The following WWOX variants were observed in gnomAD, a reference collection of about 807,000 sequenced individuals.
WWOX encodes the protein WW domain-containing oxidoreductase.
A neutral mutation model predicts 46.2 loss-of-function variants in WWOX; 69 were observed. That is an observed-to-expected ratio of 1.49 (90% CI 1.23 to 1.82). The LOEUF (loss-of-function observed/expected upper bound fraction) is 1.82. Among genes scored for constraint, WWOX ranks in the 40% most tolerant of loss-of-function variants. WWOX has a pLI of 0.00. For synonymous variants in WWOX, 359 were observed against 202.6 expected, an observed-to-expected ratio of 1.77 and a Z score of -6.56; for missense variants, 919 against 542.6, an observed-to-expected ratio of 1.69 and a Z score of -6.89.
intron 8 of WWOX, among the ~76,000 whole-genome samples, chr16:78,902,564 G>C (rs1019140885): frequency 4.6e-5 from 7 of 152,238 alleles, no homozygotes; most frequent in African/African-American, 1.4e-4. Context: ...CTAGGCCAAA[G>C]ATATGCCCGA....
intron 8 of WWOX, among the ~76,000 whole-genome samples, chr16:79,031,768 A>AATATATAT (rs2047759921): frequency 6.9e-6 from 1 of 143,970 alleles, no homozygotes; most frequent in South Asian, 2.1e-4. Flanking sequence ...ATATATATAT[A>AATATATAT]ATATATAGAA....
intron 5 of WWOX, among the ~76,000 whole-genome samples, chr16:78,253,315 A>T (rs903456496): frequency 6.6e-6 from 1 of 152,230 alleles, no homozygotes; most frequent in Non-Finnish European, 1.5e-5. Context: ...AATTATAACC[A>T]TATCTAATAC....
intron 8 of WWOX, among the ~76,000 whole-genome samples, chr16:78,809,128 C>T (rs1489115374): frequency 2.0e-5 from 3 of 151,854 alleles, no homozygotes; most frequent in Admixed American, 6.6e-5. Context: ...TGTCTGTTCT[C>T]CCCCTGCACC....
At position 78,100,162 on chromosome 16, in the gene WWOX, C is replaced by T. The variant is rs953408228; in HGVS notation, c.107+277C>T. 7.7e-6 allele frequency: 10 copies of T among 1,295,508 alleles called. No individual in the cohort carries two copies. In the African/African-American group the frequency reaches 7.9e-5, roughly 10 times the overall value. 80.3% of individuals were successfully genotyped at this position (1,295,508 alleles called of 1,614,324 possible). On this transcript the variant is annotated intron_variant, in intron 1 of 8. Coordinates refer to ENST00000566780, the MANE Select transcript of WWOX (RefSeq NM_016373.4). ...CGGCGCGGCGAGGGCAAAGCGGCCT[C>T]ATCCCCGCCAAAAAATAAAGATGTT...
intron 8 of WWOX, among the ~76,000 whole-genome samples, chr16:78,623,245 G>C (rs999720087): frequency 3.3e-5 from 5 of 152,180 alleles, no homozygotes; most frequent in Admixed American, 3.3e-4. Flanking sequence ...TTGGTAATTT[G>C]TTAGATGGCA....
At chr16:78,209,978 C>G (rs548018299) in intron 5 of WWOX, among the ~76,000 whole-genome samples, 2 of 151,778 alleles carry the variant, frequency 1.3e-5, no homozygotes, top group African/African-American at 2.4e-5. Flanking sequence ...ATAAACTTTT[C>G]TTAAACAGCA....
chr16:78,977,272 G>C (rs914843715), intron 8 of WWOX, among the ~76,000 whole-genome samples: 1 of 152,212 alleles, frequency 6.6e-6, no homozygotes, highest in African/African-American at 2.4e-5. Flanking sequence ...TGTCAGAGAG[G>C]TTCGAGCTCT....
At chr16:79,108,966 T>C (rs1231579779) in intron 8 of WWOX, among the ~76,000 whole-genome samples, 2 of 151,854 alleles carry the variant, frequency 1.3e-5, no homozygotes, top group Non-Finnish European at 2.9e-5. Flanking sequence ...TACTTGGTCA[T>C]CTGAGCAACA....
intron 8 of WWOX, among the ~76,000 whole-genome samples, chr16:78,504,440 A>AG (rs2085143039): frequency 6.6e-6 from 1 of 152,250 alleles, no homozygotes; most frequent in African/African-American, 2.4e-5. Flanking sequence ...TGTCTATCTC[A>AG]GATTTTCAAG....
chr16:78,425,804 TG>T (rs1295505827), intron 7 of WWOX, among the ~76,000 whole-genome samples: 1 of 152,082 alleles, frequency 6.6e-6, no homozygotes, highest in Non-Finnish European at 1.5e-5. Context: ...GGTGTGTGTT[TG>T]GCGGGGGGAA....
chr16:79,118,219 G>T (rs1241816206), intron 8 of WWOX, among the ~76,000 whole-genome samples: 1 of 152,212 alleles, frequency 6.6e-6, no homozygotes, highest in East Asian at 1.9e-4. Context: ...CAATACTGTT[G>T]TGTCTCAGGT....
intron 8 of WWOX, among the ~76,000 whole-genome samples, chr16:78,843,454 G>C (rs1181237902): frequency 6.7e-6 from 1 of 150,072 alleles, no homozygotes; most frequent in Non-Finnish European, 1.5e-5. Context: ...CAGGGGATGA[G>C]ATTACTGTCA....
At chr16:78,197,045 G>A (rs1011551343) in intron 5 of WWOX, among the ~76,000 whole-genome samples, 1 of 152,152 alleles carries the variant, frequency 6.6e-6, no homozygotes, top group African/African-American at 2.4e-5. Flanking sequence ...GCAAATAATA[G>A]CAGTTAGTGG....
chr16:79,080,131 G>C (rs1165116009), intron 8 of WWOX, among the ~76,000 whole-genome samples: 1 of 152,180 alleles, frequency 6.6e-6, no homozygotes, highest in Non-Finnish European at 1.5e-5. Context: ...AGGAAAAAAG[G>C]TTAGGGAGCC....
intron 8 of WWOX, among the ~76,000 whole-genome samples, chr16:78,798,313 GA>G (rs68153042): frequency 6.0e-5 from 9 of 149,386 alleles, no homozygotes; most frequent in Non-Finnish European, 8.9e-5. Flanking sequence ...TCAAGAGAGA[GA>G]AAAAAAAAGA....
intron 5 of WWOX, among the ~76,000 whole-genome samples, chr16:78,196,730 A>C (rs1456434421): frequency 1.3e-5 from 2 of 152,112 alleles, no homozygotes; most frequent in East Asian, 3.9e-4. Context: ...AGAGTGCTGT[A>C]ATTATATTAT....
At chr16:78,279,515 G>T (rs1195056635) in intron 5 of WWOX, among the ~76,000 whole-genome samples, 1 of 152,128 alleles carries the variant, frequency 6.6e-6, no homozygotes. Context: ...AATTTCTTCA[G>T]TTTGAAAGAC....
chr16:78,738,310 C>G (rs1485198393), intron 8 of WWOX, among the ~76,000 whole-genome samples: 1 of 152,058 alleles, frequency 6.6e-6, no homozygotes, highest in Non-Finnish European at 1.5e-5. Context: ...TGAAACAGAG[C>G]AATCACAATG....
intron 8 of WWOX, among the ~76,000 whole-genome samples, chr16:78,461,981 T>C (rs930682868): frequency 1.2e-4 from 18 of 152,236 alleles, no homozygotes; most frequent in African/African-American, 3.9e-4. Context: ...CAACAGACCA[T>C]TTTCAGCATT....
Sources: allele counts gnomAD v4.1 joint callset (sites outside exome capture counted in the v4.1 genomes callset), GRCh38; gene constraint gnomAD v4.1.1; transcripts MANE v1.5; gene names NCBI Gene and HGNC (gene_info 2026-07-23, HGNC 2026-07-21).